Variants in SUMF1 observed in about 807,000 individuals in gnomAD.
SUMF1 encodes sulfatase modifying factor 1.
SUMF1 carries 48 observed loss-of-function variants against 47.6 expected under a neutral mutation model. That is an observed-to-expected ratio of 1.01 (90% confidence interval 0.80 to 1.28). SUMF1 has a LOEUF of 1.28. SUMF1 is among the 50% of genes most tolerant of loss of function. The pLI is 0.00. For synonymous variants in SUMF1, 230 were observed against 192.1 expected (o/e 1.20, Z -1.63); for missense variants, 571 against 485.4 (o/e 1.18, Z -1.66).
intron 3 of SUMF1, among the ~76,000 whole-genome samples, chr3:4,429,019 TCTC>T (rs1446403919): frequency 6.6e-6 from 1 of 152,234 alleles, no homozygotes; most frequent in Non-Finnish European, 1.5e-5. Context: ...TAATTTCCGG[TCTC>T]CTAACATTGA....
rs989359510 is a variant in SUMF1, at chr3:4,247,457, G to A, written c.1014+128873C>T. On this transcript the variant is annotated intron_variant and NMD_transcript_variant, in intron 8 of 12. Coordinates refer to the SUMF1 transcript ENST00000448413. The stretch of plus-strand genomic sequence containing the variant: ...TTCTGAAATTAGAATTCAGGATTTT[G>A]TAAAGTGGCAATGTTCACTATTCTC... Among the ~76,000 whole-genome samples the A allele has an allele frequency of 2.0e-5, 3 of 152,296 alleles. No homozygotes were observed. In the East Asian group the frequency reaches 5.8e-4, roughly 29 times the overall value.
At chr3:4,276,664 A>G (rs150283243) in intron 8 of SUMF1, among the ~76,000 whole-genome samples, 122 of 152,290 alleles carry the variant, frequency 8.0e-4, no homozygotes, top group African/African-American at 2.8e-3. Flanking sequence ...ATATTGTGCC[A>G]TATCATAAAT....
chr3:4,110,619 T>G (rs1375450756), intron 8 of SUMF1, among the ~76,000 whole-genome samples: 2 of 151,578 alleles, frequency 1.3e-5, no homozygotes, highest in African/African-American at 2.4e-5. Flanking sequence ...ATAGACTGGA[T>G]TAAGAAAATG....
At chr3:4,180,933 A>G (rs1695082947) in intron 8 of SUMF1, among the ~76,000 whole-genome samples, 1 of 152,194 alleles carries the variant, frequency 6.6e-6, no homozygotes, top group Non-Finnish European at 1.5e-5. Flanking sequence ...TCTCTTTGAG[A>G]ACACAAGGAA....
At chr3:4,214,161 A>C (rs567589099) in intron 8 of SUMF1, among the ~76,000 whole-genome samples, 2 of 152,318 alleles carry the variant, frequency 1.3e-5, no homozygotes, top group Non-Finnish European at 2.9e-5. Context: ...AATTGGAAGG[A>C]AAACACTCCT....
intron 8 of SUMF1, among the ~76,000 whole-genome samples, chr3:4,086,215 G>GAA (rs140931896): frequency 0.014 from 1,459 of 102,228 alleles, 25 homozygotes; most frequent in African/African-American, 0.044. Context: ...CTTAGAATCA[G>GAA]AAAAAAAAAA....
chr3:4,347,388 T>C (rs1232279784), intron 8 of SUMF1, among the ~76,000 whole-genome samples: 2 of 152,106 alleles, frequency 1.3e-5, no homozygotes, highest in African/African-American at 2.4e-5. Context: ...CATACACAAA[T>C]CAATAAACAT....
At chr3:4,094,046 C>T (rs1692846055) in intron 8 of SUMF1, among the ~76,000 whole-genome samples, 1 of 152,014 alleles carries the variant, frequency 6.6e-6, no homozygotes, top group East Asian at 1.9e-4. Flanking sequence ...GAATCCAAGA[C>T]ATACCTAAAC....
At chr3:4,062,097 G>A (rs1160808098) in intron 9 of SUMF1, among the ~76,000 whole-genome samples, 1 of 151,914 alleles carries the variant, frequency 6.6e-6, no homozygotes, top group Non-Finnish European at 1.5e-5. Flanking sequence ...CCTTACCACA[G>A]ATTCAGTCAT....
At chr3:4,394,132 T>A (rs1027002580) in intron 7 of SUMF1, among the ~76,000 whole-genome samples, 2 of 152,160 alleles carry the variant, frequency 1.3e-5, no homozygotes, top group African/African-American at 4.8e-5. Flanking sequence ...ATTATTTTTT[T>A]AAAAGAGTGT....
chr3:4,163,344 GAGAGAC>G (rs1574940348), intron 8 of SUMF1, among the ~76,000 whole-genome samples: 1 of 94,006 alleles, frequency 1.1e-5, no homozygotes, highest in East Asian at 3.0e-4. Context: ...GAGAGAGAGA[GAGAGAC>G]AGAGAGAGAG....
chr3:4,196,552 TATC>T (rs1695433820), intron 8 of SUMF1, among the ~76,000 whole-genome samples: 1 of 152,112 alleles, frequency 6.6e-6, no homozygotes, highest in Non-Finnish European at 1.5e-5. Flanking sequence ...GAGGCCTCCT[TATC>T]AGAGGCCTTG....
At chr3:4,167,914 T>A (rs575143927) in intron 8 of SUMF1, among the ~76,000 whole-genome samples, 1 of 152,324 alleles carries the variant, frequency 6.6e-6, no homozygotes, top group South Asian at 2.1e-4. Flanking sequence ...AAAGCAGGCA[T>A]CTCTTTGTCA....
rs768223638 is a variant in SUMF1 at position 4,452,930 on chromosome 3, T to G, written c.390A>C (p.Glu130Asp). The G allele has an allele frequency of 6.2e-7, 1 of 1,614,216 alleles. No individual in the cohort carries two copies. Among genetic ancestry groups the G allele is most frequent in the South Asian group, 1.1e-5 (1 of 91,084 alleles). Residue 130 changes from glutamate (E) to aspartate (D), a missense_variant, in exon 2 of 9, where the codon GAA becomes GAC. By Grantham distance (45) the Glu-to-Asp change is conservative. Coordinates refer to ENST00000272902, the MANE Select transcript of SUMF1 (RefSeq NM_182760.4). ...TIDAFYMDAY[E>D]VSNTEFEKFV... ...ACTTCTCAAATTCAGTATTACTGAC[T>G]TCATAGGCATCCATGTAAAAGGCAT...
At chr3:4,218,088 C>G (rs1429666981) in intron 8 of SUMF1, among the ~76,000 whole-genome samples, 1 of 151,928 alleles carries the variant, frequency 6.6e-6, no homozygotes, top group African/African-American at 2.4e-5. Flanking sequence ...GAGGCTTTAA[C>G]TGTATCTTTA....
intron 8 of SUMF1, among the ~76,000 whole-genome samples, chr3:4,186,867 G>A (rs1342903125): frequency 6.6e-6 from 1 of 152,094 alleles, no homozygotes; most frequent in Non-Finnish European, 1.5e-5. Flanking sequence ...TCTTCTCTGT[G>A]TTCCTTTGAT....
chr3:4,263,960 C>G (rs1340445380), intron 8 of SUMF1, among the ~76,000 whole-genome samples: 3 of 152,106 alleles, frequency 2.0e-5, no homozygotes, highest in Non-Finnish European at 4.4e-5. Context: ...CCTCTATAAA[C>G]TAGACAGGAA....
At chr3:4,151,542 T>C (rs561090680) in intron 8 of SUMF1, among the ~76,000 whole-genome samples, 16 of 116,530 alleles carry the variant, frequency 1.4e-4, no homozygotes, top group Non-Finnish European at 2.3e-4. Context: ...TGTGTATATA[T>C]ATGTGTGTGT....
chr3:4,070,094 C>T (rs1269691514), intron 8 of SUMF1, among the ~76,000 whole-genome samples: 2 of 152,178 alleles, frequency 1.3e-5, no homozygotes, highest in Non-Finnish European at 2.9e-5. Context: ...CCCAGGTCTT[C>T]AGATAAACTC....
Sources: allele counts gnomAD v4.1 joint callset (sites outside exome capture counted in the v4.1 genomes callset), GRCh38; gene constraint gnomAD v4.1.1; transcripts MANE v1.5; gene names NCBI Gene and HGNC (gene_info 2026-07-23, HGNC 2026-07-21).